The following OSBPL8 variants were observed in gnomAD, a reference collection of about 807,000 sequenced individuals.
The protein encoded by OSBPL8 is oxysterol binding protein like 8, also known as oxysterol-binding protein-related protein 8.
In OSBPL8, 59 loss-of-function variants were observed where a neutral mutation model predicts 125.5. The observed-to-expected ratio is 0.47, with a 90% CI of 0.38 to 0.58. The LOEUF (loss-of-function observed/expected upper bound fraction) is 0.58, where lower values mean the gene tolerates loss of function less well. OSBPL8 is among the 20% of genes least tolerant of loss of function. The pLI is 0.00. For missense variants in OSBPL8, 758 were observed against 1,047.8 expected (o/e 0.72, Z 3.82); for synonymous variants, 330 against 338.9 (o/e 0.97, Z 0.29).
chr12:76,531,733 G>A (rs968917994), intron 1 of OSBPL8, among the ~76,000 whole-genome samples: 3 of 152,050 alleles, frequency 2.0e-5, no homozygotes, highest in South Asian at 2.1e-4. Flanking sequence ...TAAGTACTGC[G>A]CACTAAAAAA....
At chr12:76,495,128 A>G (rs957604527) in intron 1 of OSBPL8, among the ~76,000 whole-genome samples, 3 of 152,214 alleles carry the variant, frequency 2.0e-5, no homozygotes, top group African/African-American at 7.2e-5. Flanking sequence ...ACGAGAACGT[A>G]TTTAATTTCA....
intron 1 of OSBPL8, among the ~76,000 whole-genome samples, chr12:76,492,929 T>C (rs1473975133): frequency 6.6e-6 from 1 of 150,486 alleles, no homozygotes; most frequent in African/African-American, 2.5e-5. Context: ...TATAGATATA[T>C]ATAGATATTT....
At chr12:76,499,358 T>TATCATCTATCTATCTATCTA (rs1555231540) in intron 1 of OSBPL8, among the ~76,000 whole-genome samples, 2 of 100,632 alleles carry the variant, frequency 2.0e-5, no homozygotes, top group Admixed American at 2.1e-4. Flanking sequence ...ATCATCTATC[T>TATCATCTATCTATCTATCTA]ATCTATCTAA....
chr12:76,384,933 C>T (rs756487986), intron 14 of OSBPL8, among the ~76,000 whole-genome samples: 1 of 152,160 alleles, frequency 6.6e-6, no homozygotes, highest in African/African-American at 2.4e-5. Context: ...ATAATAAATA[C>T]TGCTTTAACT....
chr12:76,502,927 C>G (rs1880050493), intron 1 of OSBPL8, among the ~76,000 whole-genome samples: 4 of 152,258 alleles, frequency 2.6e-5, no homozygotes, highest in African/African-American at 9.6e-5. Context: ...TCTTTCCTCT[C>G]TTATTGCTTT....
intron 4 of OSBPL8, among the ~76,000 whole-genome samples, chr12:76,424,407 G>A (rs1869891334): frequency 6.6e-6 from 1 of 152,216 alleles, no homozygotes; most frequent in Non-Finnish European, 1.5e-5. Context: ...CAACAAGTTT[G>A]TGGGTTTTAG....
intron 15 of OSBPL8, among the ~76,000 whole-genome samples, chr12:76,378,770 T>C (rs1175807636): frequency 2.0e-5 from 3 of 152,120 alleles, no homozygotes; most frequent in Non-Finnish European, 4.4e-5. Flanking sequence ...GATACAGTTA[T>C]GTGCTTTTTT....
intron 1 of OSBPL8, among the ~76,000 whole-genome samples, chr12:76,544,522 A>C (rs1381258113): frequency 1.3e-5 from 2 of 152,196 alleles, no homozygotes; most frequent in Non-Finnish European, 2.9e-5. Context: ...GAAACACATA[A>C]GTTCTAGAAT....
chr12:76,558,379 C>G (rs1338029107), intron 1 of OSBPL8, among the ~76,000 whole-genome samples: 1 of 152,144 alleles, frequency 6.6e-6, no homozygotes, highest in East Asian at 1.9e-4. Context: ...CTCCACAATT[C>G]TTGCTCTCTC....
chr12:76,460,537 T>C (rs1370420475), intron 2 of OSBPL8, among the ~76,000 whole-genome samples: 1 of 151,464 alleles, frequency 6.6e-6, no homozygotes, highest in African/African-American at 2.4e-5. Flanking sequence ...AGAAAGAAGT[T>C]TTACTAAGTC....
intron 15 of OSBPL8, among the ~76,000 whole-genome samples, chr12:76,379,025 G>C (rs951201636): frequency 9.9e-5 from 15 of 152,096 alleles, no homozygotes; most frequent in African/African-American, 3.6e-4. Context: ...CACCTTGGGT[G>C]ATCTGCCCAC....
intron 2 of OSBPL8, among the ~76,000 whole-genome samples, chr12:76,473,023 G>A (rs1291935847): frequency 3.3e-5 from 5 of 152,034 alleles, no homozygotes; most frequent in African/African-American, 4.8e-5. Flanking sequence ...GCTTGGCAAC[G>A]GGCGTCTTTC....
intron 8 of OSBPL8, among the ~76,000 whole-genome samples, chr12:76,396,451 T>C (rs979319665): frequency 1.3e-5 from 2 of 152,122 alleles, no homozygotes; most frequent in African/African-American, 4.8e-5. Flanking sequence ...ACTAAAGCAA[T>C]GATCATTTCG....
intron 2 of OSBPL8, among the ~76,000 whole-genome samples, chr12:76,478,913 G>A (rs1451371862): frequency 3.9e-5 from 6 of 152,026 alleles, no homozygotes; most frequent in Non-Finnish European, 7.4e-5. Flanking sequence ...GTGAAACTCC[G>A]TCTCTACTAA....
chr12:76,463,426 T>C (rs1874985531), intron 2 of OSBPL8, among the ~76,000 whole-genome samples: 1 of 152,180 alleles, frequency 6.6e-6, no homozygotes, highest in African/African-American at 2.4e-5. Flanking sequence ...AAGTTTGAAA[T>C]GCATGTCAGA....
intron 2 of OSBPL8, among the ~76,000 whole-genome samples, chr12:76,462,915 A>T (rs1874918090): frequency 6.6e-6 from 1 of 152,174 alleles, no homozygotes; most frequent in Non-Finnish European, 1.5e-5. Context: ...TGCAATGCAA[A>T]AATAGGAAAG....
At chr12:76,473,417 A>G (rs1876416038) in intron 2 of OSBPL8, among the ~76,000 whole-genome samples, 1 of 152,174 alleles carries the variant, frequency 6.6e-6, no homozygotes, top group African/African-American at 2.4e-5. Context: ...TCTAGATTTC[A>G]CAACAGCATG....
chr12:76,373,528 T>C, intron 17 of OSBPL8, 95 bp from the exon 18 acceptor site: 5 of 804,530 alleles, frequency 6.2e-6, no homozygotes, highest in Non-Finnish European at 9.8e-6. Context: ...ATTGCTTGTA[T>C]AGTTACAGTA....
At chr12:76,405,876 G>A (rs1954241433) in intron 5 of OSBPL8, among the ~76,000 whole-genome samples, 1 of 152,034 alleles carries the variant, frequency 6.6e-6, no homozygotes, top group African/African-American at 2.4e-5. Context: ...TTTGTTAAAT[G>A]GCATTAGAAT....
Sources: gnomAD v4.1 joint callset for allele counts (sites outside exome capture counted in the v4.1 genomes callset) on GRCh38, gnomAD v4.1.1 for gene constraint, MANE v1.5 for transcripts, NCBI Gene and HGNC (gene_info 2026-07-23, HGNC 2026-07-21) for gene names.